Variants in ABI3BP observed in about 807,000 individuals in gnomAD.
The protein encoded by ABI3BP is ABI family member 3 binding protein.
Under a neutral mutation model 268.6 loss-of-function variants are expected in ABI3BP, and 216 were observed. The observed-to-expected ratio is 0.80, with a 90% CI of 0.72 to 0.90. The LOEUF (loss-of-function observed/expected upper bound fraction) is 0.90. ABI3BP is among the 40% of genes least tolerant of loss of function. The pLI is 0.00. For missense variants in ABI3BP, 2,090 were observed against 2,182.4 expected (o/e 0.96, Z 0.84); for synonymous variants, 730 against 730.0 (o/e 1.00, Z 0.00).
chr3:100,875,873 A>C (rs1462748819), intron 7 of ABI3BP, among the ~76,000 whole-genome samples: 1 of 152,172 alleles, frequency 6.6e-6, no homozygotes, highest in Non-Finnish European at 1.5e-5. Context: ...TCCCCAAATC[A>C]ATCAGTACTA....
chr3:100,918,653 G>A (rs1160860737), intron 2 of ABI3BP, among the ~76,000 whole-genome samples: 2 of 151,972 alleles, frequency 1.3e-5, no homozygotes, highest in Non-Finnish European at 2.9e-5. Flanking sequence ...AAGCAGAGAT[G>A]GTGGTGGTGG....
At chr3:100,932,150 A>G (rs1561793068) in intron 1 of ABI3BP, among the ~76,000 whole-genome samples, 1 of 152,104 alleles carries the variant, frequency 6.6e-6, no homozygotes, top group Non-Finnish European at 1.5e-5. Context: ...ATGGTTAGCC[A>G]TATGCAGAAG....
intron 2 of ABI3BP, among the ~76,000 whole-genome samples, chr3:100,918,762 A>G (rs976352073): frequency 1.3e-5 from 2 of 152,070 alleles, no homozygotes; most frequent in Admixed American, 1.3e-4. Context: ...CCACTTTTTA[A>G]CCATTTTTTA....
At chr3:100,805,842 C>T (rs2097690361) in intron 50 of ABI3BP, among the ~76,000 whole-genome samples, 1 of 152,012 alleles carries the variant, frequency 6.6e-6, no homozygotes, top group East Asian at 1.9e-4. Flanking sequence ...TGTGAAATGT[C>T]AAAATGATGT....
chr3:100,849,981 A>G (rs1172779676), intron 17 of ABI3BP, 64 bp downstream of exon 17: 1 of 1,396,892 alleles, frequency 7.2e-7, no homozygotes, highest in African/African-American at 1.4e-5. Context: ...GAAATGGCCA[A>G]CATGACTTCT....
At chr3:100,919,203 T>TA (rs1375393809) in intron 2 of ABI3BP, among the ~76,000 whole-genome samples, 1 of 152,200 alleles carries the variant, frequency 6.6e-6, no homozygotes, top group Non-Finnish European at 1.5e-5. Flanking sequence ...TTATATTCCC[T>TA]ATATAGTTCC....
In ABI3BP at chr3:100,752,887, C is replaced by G; in HGVS notation, c.5022G>C (p.Lys1674Asn). 1 of 1,613,578 alleles carries G rather than the reference C, an allele frequency of 6.2e-7. No homozygotes were observed. The highest frequency in any genetic ancestry group is 8.5e-7 in the Non-Finnish European group (1 of 1,179,726). Residue 1674 changes from lysine to asparagine, a missense_variant, in exon 66 of 68, where the codon AAG becomes AAC. Transcript: ENST00000471714. ...PFNSDSYSEC[K>N]GKQYVKRTWY... ...ATGTCCTTTTGACATATTGTTTGCC[C>G]TTACACTCTGAGTAAGAGTCTGAAT...
At chr3:100,856,930 C>CTTGTTTATAGG (rs2098946763) in intron 14 of ABI3BP, among the ~76,000 whole-genome samples, 1 of 152,138 alleles carries the variant, frequency 6.6e-6, no homozygotes, top group Non-Finnish European at 1.5e-5. Flanking sequence ...CAAGAAGGAC[C>CTTGTTTATAGG]TCAGAGCCCA....
chr3:100,867,437 T>C (rs920183031), intron 9 of ABI3BP, among the ~76,000 whole-genome samples: 4 of 151,704 alleles, frequency 2.6e-5, no homozygotes, highest in African/African-American at 7.3e-5. Flanking sequence ...GTCAGGAGAT[T>C]GAGACCATCC....
At chr3:100,792,381 C>T (rs2097219438) in intron 55 of ABI3BP, among the ~76,000 whole-genome samples, 1 of 151,474 alleles carries the variant, frequency 6.6e-6, no homozygotes, top group Admixed American at 6.6e-5. Context: ...TATTATTTAT[C>T]AGATATGGAA....
At chr3:100,869,558 T>C (rs1388666498) in intron 9 of ABI3BP, among the ~76,000 whole-genome samples, 1 of 151,974 alleles carries the variant, frequency 6.6e-6, no homozygotes, top group Non-Finnish European at 1.5e-5. Flanking sequence ...TCTCACTATG[T>C]TGCCAGGCTG....
At chr3:100,960,689 C>T (rs2078734944) in intron 1 of ABI3BP, among the ~76,000 whole-genome samples, 1 of 152,148 alleles carries the variant, frequency 6.6e-6, no homozygotes, top group African/African-American at 2.4e-5. Flanking sequence ...AGATTCAACC[C>T]ATAAGTGCGG....
intron 28 of ABI3BP, among the ~76,000 whole-genome samples, chr3:100,835,249 C>A (rs1361105764): frequency 6.6e-6 from 1 of 152,080 alleles, no homozygotes; most frequent in African/African-American, 2.4e-5. Flanking sequence ...AAGTAAGATG[C>A]CCACAGAATT....
intron 6 of ABI3BP, among the ~76,000 whole-genome samples, chr3:100,878,871 A>AT (rs2099193892): frequency 6.6e-6 from 1 of 152,056 alleles, no homozygotes; most frequent in African/African-American, 2.4e-5. Flanking sequence ...AACAACTTTT[A>AT]TTTTTTGCTA....
At chr3:100,765,697 T>A in intron 63 of ABI3BP, 144 bp downstream of exon 63, 1 of 600,166 alleles carries the variant, frequency 1.7e-6, no homozygotes. Flanking sequence ...CAGAGGTATC[T>A]AGTGCTATAT....
At chr3:100,778,689 T>A (rs1244913897) in intron 58 of ABI3BP, 1 of 269,790 alleles carries the variant, frequency 3.7e-6, no homozygotes, top group Non-Finnish European at 6.8e-6. Context: ...GGATGGAAAA[T>A]TTTTTTAAAA....
At chr3:100,844,135 G>T in intron 20 of ABI3BP, 1 of 985,134 alleles carries the variant, frequency 1.0e-6, no homozygotes, top group Non-Finnish European at 1.2e-6. Context: ...AAGCTGAGTG[G>T]TCTGTAAATG....
intron 64 of ABI3BP, 35 bp downstream of exon 64, chr3:100,754,577 A>G: frequency 6.5e-7 from 1 of 1,542,058 alleles, no homozygotes; most frequent in Non-Finnish European, 8.8e-7. Context: ...TGGCCCTTTT[A>G]CATCCTTTTT....
intron 4 of ABI3BP, among the ~76,000 whole-genome samples, chr3:100,889,436 T>G (rs1264667493): frequency 6.6e-6 from 1 of 152,172 alleles, no homozygotes; most frequent in African/African-American, 2.4e-5. Context: ...AAAACAAAAG[T>G]AATCAGCATT....
Sources: allele counts gnomAD v4.1 joint callset (sites outside exome capture counted in the v4.1 genomes callset), GRCh38; gene constraint gnomAD v4.1.1; transcripts MANE v1.5; gene names NCBI Gene and HGNC (gene_info 2026-07-23, HGNC 2026-07-21).